SH3D19: variants seen among roughly 807,000 people sequenced by gnomAD.
SH3D19 encodes the protein SH3 domain containing 19, also known as SH3 domain-containing protein 19.
In SH3D19, 58 loss-of-function variants were observed where a neutral mutation model predicts 112.1. The ratio of observed to expected loss-of-function variants is 0.52; its 90% CI spans 0.42 to 0.64. The LOEUF is 0.64. Ranked by LOEUF, SH3D19 falls within the 30% of genes least tolerant of loss-of-function variation. SH3D19 has a pLI of 0.00. For synonymous variants in SH3D19, 391 were observed against 448.5 expected, an observed-to-expected ratio of 0.87 and a Z score of 1.62; for missense variants, 1,090 against 1,263.4, an observed-to-expected ratio of 0.86 and a Z score of 2.08.
chr4:151,203,250 T>A (rs1764651980), intron 2 of SH3D19, among the ~76,000 whole-genome samples: 1 of 151,762 alleles, frequency 6.6e-6, no homozygotes, highest in South Asian at 2.1e-4. Flanking sequence ...CCAGGAAGAG[T>A]CAGCTGACAC....
intron 19 of SH3D19, among the ~76,000 whole-genome samples, chr4:151,126,804 GA>G (rs1221074463): frequency 2.5e-3 from 69 of 27,678 alleles, no homozygotes; most frequent in East Asian, 4.1e-3. Flanking sequence ...TCTCAAAAAA[GA>G]AAAAAAAAAA....
At chr4:151,171,929 A>T (rs1036362770) in intron 7 of SH3D19, among the ~76,000 whole-genome samples, 2 of 152,070 alleles carry the variant, frequency 1.3e-5, no homozygotes, top group Non-Finnish European at 2.9e-5. Flanking sequence ...CCAATATTAA[A>T]TTGCCTGTTT....
At chr4:151,234,255 G>A (rs1363618055) in intron 1 of SH3D19, among the ~76,000 whole-genome samples, 3 of 152,158 alleles carry the variant, frequency 2.0e-5, no homozygotes, top group South Asian at 2.1e-4. Flanking sequence ...GTTCTTCTTC[G>A]AAATGGTTCA....
intron 2 of SH3D19, among the ~76,000 whole-genome samples, chr4:151,224,279 A>G (rs1473403313): frequency 1.3e-5 from 2 of 152,166 alleles, no homozygotes; most frequent in African/African-American, 4.8e-5. Flanking sequence ...ACTGCACTCC[A>G]GCCTGGGAAA....
intron 1 of SH3D19, among the ~76,000 whole-genome samples, chr4:151,246,066 A>G (rs188187350): frequency 6.6e-6 from 1 of 152,010 alleles, no homozygotes; most frequent in East Asian, 1.9e-4. Context: ...AGGCTGAAAT[A>G]TAAAGTATTT....
At chr4:151,211,828 T>C (rs1315634716) in intron 2 of SH3D19, among the ~76,000 whole-genome samples, 1 of 152,138 alleles carries the variant, frequency 6.6e-6, no homozygotes, top group Non-Finnish European at 1.5e-5. Flanking sequence ...GGGAAGCTAG[T>C]AGAGGTTGGT....
intron 1 of SH3D19, among the ~76,000 whole-genome samples, chr4:151,296,044 A>AAG (rs1554068534): frequency 2.8e-4 from 42 of 150,954 alleles, no homozygotes; most frequent in Non-Finnish European, 5.3e-4. Context: ...CAAAAAAAAA[A>AAG]AAAGAAAGAA....
chr4:151,282,516 A>C, intron 1 of SH3D19: 1 of 1,162,938 alleles, frequency 8.6e-7, no homozygotes, highest in Non-Finnish European at 1.2e-6. Flanking sequence ...ATTTTTCAAC[A>C]AAACCAGATC....
chr4:151,188,800 T>C (rs992825583), intron 2 of SH3D19, among the ~76,000 whole-genome samples: 1 of 152,236 alleles, frequency 6.6e-6, no homozygotes, highest in African/African-American at 2.4e-5. Flanking sequence ...AAAAGAAATG[T>C]TGATGTCCTT....
At chr4:151,158,327 CT>C (rs1297325015) in intron 9 of SH3D19, among the ~76,000 whole-genome samples, 4 of 152,044 alleles carry the variant, frequency 2.6e-5, no homozygotes, top group African/African-American at 9.7e-5. Context: ...GAGATGGAGT[CT>C]CACTCTGTCG....
intron 8 of SH3D19, among the ~76,000 whole-genome samples, chr4:151,160,367 G>A (rs1234357448): frequency 6.6e-6 from 1 of 152,202 alleles, no homozygotes; most frequent in Non-Finnish European, 1.5e-5. Context: ...GATTACAGGC[G>A]TAAGCCACTG....
intron 2 of SH3D19, among the ~76,000 whole-genome samples, chr4:151,224,134 C>T (rs1768564365): frequency 6.6e-6 from 1 of 152,054 alleles, no homozygotes; most frequent in South Asian, 2.1e-4. Context: ...ATGGTGAAAC[C>T]CCGTCTCTAC....
chr4:151,229,595 C>T (rs1769436074), intron 1 of SH3D19, among the ~76,000 whole-genome samples: 1 of 152,146 alleles, frequency 6.6e-6, no homozygotes, highest in East Asian at 1.9e-4. Flanking sequence ...TAGAAAAGTA[C>T]TCTGTAAGTA....
chr4:151,168,361 A>G (rs1402193275), intron 7 of SH3D19, among the ~76,000 whole-genome samples: 2 of 152,022 alleles, frequency 1.3e-5, no homozygotes, highest in Non-Finnish European at 2.9e-5. Flanking sequence ...AGTTCTTCCA[A>G]TAATCATTCA....
At chr4:151,189,399 C>T (rs1389393684) in intron 2 of SH3D19, among the ~76,000 whole-genome samples, 5 of 152,128 alleles carry the variant, frequency 3.3e-5, no homozygotes, top group Non-Finnish European at 7.3e-5. Flanking sequence ...AGGTGTGAGC[C>T]ACCATGCCCG....
intron 7 of SH3D19, among the ~76,000 whole-genome samples, chr4:151,168,139 T>C (rs968093094): frequency 1.3e-5 from 2 of 151,894 alleles, no homozygotes; most frequent in African/African-American, 4.8e-5. Flanking sequence ...CAAGAAACAA[T>C]ACATGTAACA....
At chr4:151,187,069 C>T (rs1761914148) in intron 3 of SH3D19, among the ~76,000 whole-genome samples, 1 of 151,774 alleles carries the variant, frequency 6.6e-6, no homozygotes, top group African/African-American at 2.4e-5. Context: ...GCTGGGATTA[C>T]AGGCATGAGC....
chr4:151,127,374 G>A (rs1408266236), intron 19 of SH3D19, among the ~76,000 whole-genome samples: 1 of 152,150 alleles, frequency 6.6e-6, no homozygotes, highest in Non-Finnish European at 1.5e-5. Flanking sequence ...GGATTACTTT[G>A]GGGATGTATG....
chr4:151,127,370 C>T (rs1396519148), intron 19 of SH3D19, among the ~76,000 whole-genome samples: 1 of 152,166 alleles, frequency 6.6e-6, no homozygotes, highest in Non-Finnish European at 1.5e-5. Context: ...ACAGGGATTA[C>T]TTTGGGGATG....
Sources: gnomAD v4.1 joint callset for allele counts (sites outside exome capture counted in the v4.1 genomes callset) on GRCh38, gnomAD v4.1.1 for gene constraint, MANE v1.5 for transcripts, NCBI Gene and HGNC (gene_info 2026-07-23, HGNC 2026-07-21) for gene names.